The following SMYD3 variants were observed in gnomAD, a reference collection of about 807,000 sequenced individuals.
SMYD3 encodes the protein histone-lysine N-methyltransferase SMYD3.
A neutral mutation model predicts 57.7 loss-of-function variants in SMYD3; 36 were observed. The observed-to-expected ratio is 0.62, with a 90% CI of 0.48 to 0.82. SMYD3 has a LOEUF of 0.82. SMYD3 is among the 40% of genes least tolerant of loss of function. SMYD3 has a pLI of 0.00. For synonymous variants in SMYD3, 211 were observed against 195.0 expected, an observed-to-expected ratio of 1.08 and a Z score of -0.68; for missense variants, 515 against 538.8, an observed-to-expected ratio of 0.96 and a Z score of 0.44.
intron 5 of SMYD3, among the ~76,000 whole-genome samples, chr1:246,294,244 GCACT>G (rs1215544079): frequency 6.6e-6 from 1 of 152,146 alleles, no homozygotes; most frequent in Non-Finnish European, 1.5e-5. Context: ...CCAGCACATA[GCACT>G]CACTCAGTAA....
intron 1 of SMYD3, among the ~76,000 whole-genome samples, chr1:246,407,231 A>C (rs2066881467): frequency 1.3e-5 from 2 of 152,248 alleles, no homozygotes; most frequent in Non-Finnish European, 2.9e-5. Context: ...GATTATGTAT[A>C]AGGAGCAATT....
chr1:246,434,620 G>A (rs1403843199), intron 1 of SMYD3, among the ~76,000 whole-genome samples: 3 of 152,166 alleles, frequency 2.0e-5, no homozygotes, highest in Non-Finnish European at 2.9e-5. Flanking sequence ...CTGTCAGAAT[G>A]GCTTTTATTA....
At chr1:246,432,375 C>A (rs1375781152) in intron 1 of SMYD3, among the ~76,000 whole-genome samples, 1 of 152,202 alleles carries the variant, frequency 6.6e-6, no homozygotes, top group Non-Finnish European at 1.5e-5. Context: ...AATCATTCCA[C>A]TTGTTCTCAC....
chr1:245,753,897 T>C (rs2045503133), intron 11 of SMYD3, among the ~76,000 whole-genome samples: 2 of 152,238 alleles, frequency 1.3e-5, no homozygotes, highest in African/African-American at 4.8e-5. Context: ...ATTAAGGAAA[T>C]ATAAAATTGG....
intron 5 of SMYD3, chr1:246,325,761 T>C (rs1210591553): frequency 6.6e-6 from 1 of 152,144 alleles, no homozygotes; most frequent in Admixed American, 6.5e-5. Context: ...TTTCCAACAA[T>C]AGAAATAATT....
intron 8 of SMYD3, among the ~76,000 whole-genome samples, chr1:245,887,840 T>C (rs968243250): frequency 1.4e-4 from 22 of 151,964 alleles, no homozygotes; most frequent in African/African-American, 5.3e-4. Flanking sequence ...TCTCACATCA[T>C]GAAATACTTG....
Position 245,915,558 on chromosome 1 carries a change from T to C in SMYD3, c.785A>G (p.Asp262Gly), listed in dbSNP as rs2055346516. Residue 262 changes from aspartate (D) to glycine (G), a missense_variant, in exon 8 of 12, where the codon GAC (aspartate) becomes GGC (glycine). By Grantham distance (94) the Asp-to-Gly change is moderately conservative. Transcript: ENST00000490107. ...QLRDQYCFEC[D>G]CFRCQTQDKD... ...GTCCTGGGTTTGGCAACGGAAACAGTCACATTCAAAGCAGTACTGGTCCCT... is the reference window on the plus strand; with the variant it reads ...GTCCTGGGTTTGGCAACGGAAACAGCCACATTCAAAGCAGTACTGGTCCCT... The C allele has an allele frequency of 6.2e-7, 1 of 1,613,720 alleles. No homozygotes were observed. Among genetic ancestry groups the C allele is most frequent in the Admixed American group, 1.7e-5 (1 of 60,000 alleles).
chr1:245,949,185 C>A (rs2057530614), intron 5 of SMYD3, among the ~76,000 whole-genome samples: 1 of 152,194 alleles, frequency 6.6e-6, no homozygotes, highest in South Asian at 2.1e-4. Context: ...ACCCAGCACA[C>A]TGATGCCACC....
At chr1:245,815,884 G>A (rs1169796525) in intron 10 of SMYD3, among the ~76,000 whole-genome samples, 1 of 152,158 alleles carries the variant, frequency 6.6e-6, no homozygotes, top group Non-Finnish European at 1.5e-5. Context: ...TTGGACCTGG[G>A]TCTTGTGATT....
At chr1:246,506,988 C>A in intron 1 of SMYD3, 66 bp downstream of exon 1, 6 of 760,450 alleles carry the variant, frequency 7.9e-6, no homozygotes, top group Non-Finnish European at 1.1e-5. Flanking sequence ...GGCCGCCCGA[C>A]GCCCCCCCCT....
At chr1:246,321,771 C>T (rs2065253025) in intron 5 of SMYD3, 1 of 152,044 alleles carries the variant, frequency 6.6e-6, no homozygotes, top group Admixed American at 6.6e-5. Context: ...TTTTTTGAGA[C>T]AGGGTCTCAC....
At chr1:246,120,413 C>T (rs1388025891) in intron 5 of SMYD3, among the ~76,000 whole-genome samples, 1 of 152,122 alleles carries the variant, frequency 6.6e-6, no homozygotes, top group Non-Finnish European at 1.5e-5. Flanking sequence ...AATTCCTAGT[C>T]CCCCTTCCTA....
chr1:246,292,198 T>C (rs954387571), intron 5 of SMYD3, among the ~76,000 whole-genome samples: 5 of 140,634 alleles, frequency 3.6e-5, no homozygotes, highest in African/African-American at 1.2e-4. Flanking sequence ...CACACCAGCA[T>C]CTTAGACTTA....
At chr1:246,032,345 C>T (rs1393020584) in intron 5 of SMYD3, among the ~76,000 whole-genome samples, 1 of 152,166 alleles carries the variant, frequency 6.6e-6, no homozygotes, top group African/African-American at 2.4e-5. Context: ...TCACCTAACA[C>T]CTGGGAATCT....
chr1:246,332,091 A>T (rs969645829), intron 3 of SMYD3, among the ~76,000 whole-genome samples: 4 of 152,248 alleles, frequency 2.6e-5, no homozygotes, highest in Non-Finnish European at 4.4e-5. Flanking sequence ...CCTATAAGTG[A>T]AAGGACGAGT....
intron 5 of SMYD3, among the ~76,000 whole-genome samples, chr1:246,085,994 C>T (rs965735664): frequency 6.6e-6 from 1 of 151,036 alleles, no homozygotes; most frequent in Admixed American, 6.6e-5. Context: ...TAGTTTATTT[C>T]CTTTTGCCTT....
chr1:245,812,913 C>T (rs746261622), intron 10 of SMYD3, among the ~76,000 whole-genome samples: 5 of 149,468 alleles, frequency 3.3e-5, no homozygotes, highest in Non-Finnish European at 4.4e-5. Flanking sequence ...GTGGGCAAGC[C>T]GGAGTTTGAT....
At chr1:245,899,780 T>G (rs2054066649) in intron 8 of SMYD3, among the ~76,000 whole-genome samples, 1 of 152,182 alleles carries the variant, frequency 6.6e-6, no homozygotes, top group Non-Finnish European at 1.5e-5. Flanking sequence ...CTGGTGGCAC[T>G]TAACTAACCA....
chr1:245,764,358 A>AG (rs1484430702), intron 10 of SMYD3, among the ~76,000 whole-genome samples: 1 of 150,766 alleles, frequency 6.6e-6, no homozygotes, highest in Non-Finnish European at 1.5e-5. Context: ...GTTTTGTGTT[A>AG]GGGAAAAAAA....
Sources: gnomAD v4.1 joint callset for allele counts (sites outside exome capture counted in the v4.1 genomes callset) on GRCh38, gnomAD v4.1.1 for gene constraint, MANE v1.5 for transcripts, NCBI Gene and HGNC (gene_info 2026-07-23, HGNC 2026-07-21) for gene names.